CAMK2D: variants seen among roughly 807,000 people sequenced by gnomAD.
CAMK2D encodes the protein calcium/calmodulin dependent protein kinase II delta, also known as calcium/calmodulin-dependent protein kinase type II subunit delta.
Under a neutral mutation model 84.0 loss-of-function variants are expected in CAMK2D, and 37 were observed. The observed-to-expected ratio is 0.44, with a 90% CI of 0.34 to 0.58. The LOEUF (loss-of-function observed/expected upper bound fraction) is 0.58. Among genes scored for constraint, CAMK2D ranks in the 20% least tolerant of loss-of-function variants. The pLI is 0.02. For missense variants in CAMK2D, 448 were observed against 652.5 expected (o/e 0.69, Z 3.41); for synonymous variants, 202 against 212.5 (o/e 0.95, Z 0.43).
At position 113,551,318 on chromosome 4, in the gene CAMK2D, T is replaced by C. The variant is rs1477333815; in HGVS notation, c.341+713A>G. Among the ~76,000 whole-genome samples, 3 of 152,182 alleles carry C rather than the reference T, an allele frequency of 2.0e-5. No homozygotes were observed. In the East Asian group the frequency reaches 5.8e-4, roughly 29 times the overall value. ...AGCCTTTTTTAAACTTTTGTAAAGATTTTGCCAATTAACAAGATTGAAAAA... is the reference window on the plus strand; with the variant it reads ...AGCCTTTTTTAAACTTTTGTAAAGACTTTGCCAATTAACAAGATTGAAAAA... On this transcript the variant is annotated intron_variant, in intron 5 of 20. Coordinates refer to ENST00000511664, the MANE Select transcript of CAMK2D (RefSeq NM_001321571.2).
intron 3 of CAMK2D, among the ~76,000 whole-genome samples, chr4:113,645,918 C>G (rs1236421767): frequency 1.3e-5 from 2 of 152,188 alleles, no homozygotes; most frequent in Admixed American, 6.5e-5. Context: ...CCAAAAGGGT[C>G]TGGGCCAAGA....
chr4:113,694,283 G>T (rs533502278), intron 2 of CAMK2D, among the ~76,000 whole-genome samples: 1 of 152,278 alleles, frequency 6.6e-6, no homozygotes, highest in South Asian at 2.1e-4. Context: ...CTTAGCCACT[G>T]ATGATTTATT....
In CAMK2D at chr4:113,700,865, C is replaced by T. The variant is rs1247943588; in HGVS notation, c.161-39093G>A. Among the ~76,000 whole-genome samples, 6 of 152,176 alleles carry T rather than the reference C, an allele frequency of 3.9e-5. No homozygotes were observed. The East Asian group carries it at 1.2e-3, about 29-fold the overall frequency. ...ACACCCTTGAAGGGTATCCTTCCTACCCTCTTCAGGAATAGACTAAGGGAA... is the reference window on the plus strand; with the variant it reads ...ACACCCTTGAAGGGTATCCTTCCTATCCTCTTCAGGAATAGACTAAGGGAA... On this transcript the variant is annotated intron_variant, in intron 2 of 20. Coordinates refer to ENST00000511664, the MANE Select transcript of CAMK2D (RefSeq NM_001321571.2).
At chr4:113,741,878 C>T (rs1009734001) in intron 2 of CAMK2D, among the ~76,000 whole-genome samples, 1 of 152,176 alleles carries the variant, frequency 6.6e-6, no homozygotes, top group African/African-American at 2.4e-5. Flanking sequence ...CACCTTGGTC[C>T]TTTGGCCTGG....
chr4:113,652,955 T>A (rs1165678213), intron 3 of CAMK2D, among the ~76,000 whole-genome samples: 1 of 152,148 alleles, frequency 6.6e-6, no homozygotes, highest in Non-Finnish European at 1.5e-5. Flanking sequence ...GCTTTTTCAT[T>A]GATACATGGA....
intron 2 of CAMK2D, among the ~76,000 whole-genome samples, chr4:113,679,171 A>T (rs2099330300): frequency 6.6e-6 from 1 of 152,124 alleles, no homozygotes; most frequent in African/African-American, 2.4e-5. Context: ...TTTAAGATGG[A>T]TGAATGGAAA....
At chr4:113,513,299 A>G (rs2098242604) in intron 12 of CAMK2D, 29 bp downstream of exon 12, 1 of 1,610,074 alleles carries the variant, frequency 6.2e-7, no homozygotes, top group East Asian at 2.2e-5. Context: ...AGACCAAGGG[A>G]TAAGAAGCAG....
At chr4:113,526,923 T>TA (rs1491138358) in intron 8 of CAMK2D, among the ~76,000 whole-genome samples, 1 of 133,960 alleles carries the variant, frequency 7.5e-6, no homozygotes, top group African/African-American at 2.8e-5. Flanking sequence ...TTTTTTTTTT[T>TA]ACTGTACTTT....
At position 113,761,199 on chromosome 4, in the gene CAMK2D, T is replaced by G; in HGVS notation, c.-131A>C. 1.4e-6 allele frequency: 2 copies of G among 1,479,844 alleles called. No individual in the cohort carries two copies. Among genetic ancestry groups the G allele is most frequent in the Non-Finnish European group, 1.8e-6 (2 of 1,109,926 alleles). 91.7% of individuals were successfully genotyped at this position (1,479,844 alleles called of 1,614,324 possible). On this transcript the variant is annotated 5_prime_UTR_variant, in exon 1 of 21. Coordinates refer to ENST00000511664, the MANE Select transcript of CAMK2D (RefSeq NM_001321571.2). Reference sequence around the variant, plus strand: ...CTTACTTTCCTGGTCCGAAAGTAGCTCGCCCGCGAGGGAGTGTGCGCAGGG... The same window carrying G: ...CTTACTTTCCTGGTCCGAAAGTAGCGCGCCCGCGAGGGAGTGTGCGCAGGG...
At chr4:113,539,745 G>C (rs757523324) in intron 6 of CAMK2D, among the ~76,000 whole-genome samples, 3 of 152,144 alleles carry the variant, frequency 2.0e-5, no homozygotes, top group Non-Finnish European at 4.4e-5. Context: ...AGAAAAGGCA[G>C]GGTTATTTGA....
At chr4:113,479,558 T>G (rs1032776620) in intron 16 of CAMK2D, among the ~76,000 whole-genome samples, 2 of 152,182 alleles carry the variant, frequency 1.3e-5, no homozygotes, top group Non-Finnish European at 2.9e-5. Flanking sequence ...TTTAATTGTT[T>G]AAAATTCATA....
At chr4:113,547,738 C>T (rs780082261) in intron 5 of CAMK2D, 22 bp from the exon 6 acceptor site, 26 of 1,504,524 alleles carry the variant, frequency 1.7e-5, no homozygotes, top group Admixed American at 3.9e-5. Context: ...CACCAGGGGG[C>T]GTGTGTTAGT....
rs1346087106 is a variant in CAMK2D at position 113,526,602 on chromosome 4, C to T, written c.601+4614G>A. Among the ~76,000 whole-genome samples the T allele has an allele frequency of 2.0e-5, 3 of 151,984 alleles. 1 individual carries two copies. The South Asian group carries it at 6.2e-4, about 31-fold the overall frequency. ...AGTTAGAGCTTCTAACTTATAAGTTCTCTCACATTTCACAGATATGAAATC... is the reference window on the plus strand; with the variant it reads ...AGTTAGAGCTTCTAACTTATAAGTTTTCTCACATTTCACAGATATGAAATC... On this transcript the variant is annotated intron_variant, in intron 8 of 20. Coordinates refer to ENST00000511664, the MANE Select transcript of CAMK2D (RefSeq NM_001321571.2).
At chr4:113,675,681 T>C (rs763891008) in intron 2 of CAMK2D, among the ~76,000 whole-genome samples, 2 of 152,192 alleles carry the variant, frequency 1.3e-5, no homozygotes, top group African/African-American at 2.4e-5. Flanking sequence ...ACTATGTAAT[T>C]AATGTAGATG....
intron 2 of CAMK2D, among the ~76,000 whole-genome samples, chr4:113,683,198 G>A (rs1306026100): frequency 6.6e-6 from 1 of 152,138 alleles, no homozygotes; most frequent in Non-Finnish European, 1.5e-5. Flanking sequence ...AATAGGCTGT[G>A]TGCACTTATT....
intron 16 of CAMK2D, among the ~76,000 whole-genome samples, chr4:113,466,306 A>AAATAT (rs2097466050): frequency 1.3e-5 from 2 of 151,724 alleles, no homozygotes; most frequent in Non-Finnish European, 2.9e-5. Context: ...AAATAAAATA[A>AAATAT]AATTAGTTTT....
At chr4:113,650,916 A>G (rs2099170072) in intron 3 of CAMK2D, among the ~76,000 whole-genome samples, 1 of 152,222 alleles carries the variant, frequency 6.6e-6, no homozygotes, top group South Asian at 2.1e-4. Context: ...TGCTCACGAA[A>G]CATACTGTTA....
At chr4:113,603,762 T>C (rs1185819907) in intron 4 of CAMK2D, among the ~76,000 whole-genome samples, 2 of 137,434 alleles carry the variant, frequency 1.5e-5, no homozygotes, top group African/African-American at 5.3e-5. Flanking sequence ...TTCTATATAT[T>C]TCTTGCTATT....
chr4:113,689,649 G>A (rs142063287), intron 2 of CAMK2D, among the ~76,000 whole-genome samples: 3 of 151,998 alleles, frequency 2.0e-5, no homozygotes, highest in East Asian at 1.9e-4. Context: ...CTTTTTCCAC[G>A]GGTAGCTTGC....
Sources: allele counts gnomAD v4.1 joint callset (sites outside exome capture counted in the v4.1 genomes callset), GRCh38; gene constraint gnomAD v4.1.1; transcripts MANE v1.5; gene names NCBI Gene and HGNC (gene_info 2026-07-23, HGNC 2026-07-21).